Variants in FILIP1 observed in about 807,000 individuals in gnomAD.
FILIP1 encodes the protein filamin A interacting protein 1, also known as filamin-A-interacting protein 1.
Under a neutral mutation model 102.1 loss-of-function variants are expected in FILIP1, and 61 were observed. The ratio of observed to expected loss-of-function variants is 0.60; its 90% CI spans 0.49 to 0.74. The LOEUF (loss-of-function observed/expected upper bound fraction) is 0.74. Ranked by LOEUF, FILIP1 falls within the 30% of genes least tolerant of loss-of-function variation. The pLI is 0.00. For synonymous variants in FILIP1, 491 were observed against 526.9 expected (o/e 0.93, Z 0.93); for missense variants, 1,314 against 1,441.2 (o/e 0.91, Z 1.43).
chr6:75,297,529 C>T (rs1468124901), intron 6 of FILIP1, among the ~76,000 whole-genome samples: 1 of 152,094 alleles, frequency 6.6e-6, no homozygotes, highest in Non-Finnish European at 1.5e-5. Flanking sequence ...TTAAGACATA[C>T]ATACTATATT....
rs746305022 is a variant in FILIP1 at position 75,414,894 on chromosome 6, C to G, written c.79G>C (p.Ala27Pro). ...SCPKPSIIGN[A>P]GEKSLSEDAK... is the part of the protein sequence containing the mutation. ...TCTTCTGAGAGACTTTTTTCACCAG[C>G]ATTGCCGATGATGGAGGGCTTGGGA... Residue 27 changes from alanine (A) to proline (P), a missense_variant, in exon 2 of 6, where the codon GCT becomes CCT. Ala to Pro is a conservative substitution (Grantham distance 27, BLOSUM62 -1). Around this residue, in one of 3 missense-constraint regions of FILIP1, gnomAD observed 494 missense variants for 511.2 expected, o/e 0.97. Transcript: ENST00000237172. The G allele has an allele frequency of 2.5e-6, 4 of 1,613,860 alleles. No individual in the cohort carries two copies. In the African/African-American group the frequency reaches 4.0e-5, roughly 16 times the overall value.
At chr6:75,372,699 AAGAAAGAAAGAAAGGAAAGAAAG>A (rs1233873476) in intron 2 of FILIP1, among the ~76,000 whole-genome samples, 1,197 of 56,976 alleles carry the variant, frequency 0.021, 10 homozygotes, top group African/African-American at 0.042. Flanking sequence ...AAGAAAGAGA[AAGAAAGAAAGAAAGGAAAGAAAG>A]AGAAAGAGAA....
intron 1 of FILIP1, among the ~76,000 whole-genome samples, chr6:75,431,680 C>A (rs1203736128): frequency 6.6e-6 from 1 of 152,118 alleles, no homozygotes; most frequent in Non-Finnish European, 1.5e-5. Flanking sequence ...CAAAGGACTT[C>A]CCCCACACCA....
intron 1 of FILIP1, among the ~76,000 whole-genome samples, chr6:75,488,975 C>A (rs1032909131): frequency 2.6e-5 from 4 of 151,962 alleles, no homozygotes; most frequent in Non-Finnish European, 5.9e-5. Context: ...TTAAGATGAC[C>A]TTTTTTGGTC....
rs72877518 is a variant in FILIP1 at position 75,474,552 on chromosome 6, C to G, written c.-7+18862G>C. Among the ~76,000 whole-genome samples the G allele has an allele frequency of 5.4e-3, 815 of 152,284 alleles. 6 individuals carry two copies. The highest frequency in any genetic ancestry group is 9.0e-3 in the Non-Finnish European group (612 of 68,020). On this transcript the variant is annotated intron_variant, in intron 1 of 5. Coordinates refer to ENST00000237172, the MANE Select transcript of FILIP1 (RefSeq NM_015687.5). ...TATGCAAACAGAGGGACCAAAAGAA[C>G]TGAGATGCTAGTTCTTTTTTTCTTC...
intron 1 of FILIP1, among the ~76,000 whole-genome samples, chr6:75,485,006 C>A (rs1779744085): frequency 6.6e-6 from 1 of 151,894 alleles, no homozygotes; most frequent in South Asian, 2.1e-4. Context: ...TAGAGGCCAA[C>A]CAGTCAAACT....
intron 1 of FILIP1, among the ~76,000 whole-genome samples, chr6:75,436,219 A>T (rs983925110): frequency 6.6e-6 from 1 of 152,110 alleles, no homozygotes; most frequent in African/African-American, 2.4e-5. Context: ...CTAAAAATAC[A>T]AAAGTTAGCC....
intron 2 of FILIP1, chr6:75,399,379 TC>T (rs1381504605): frequency 1.3e-5 from 2 of 152,242 alleles, no homozygotes; most frequent in Non-Finnish European, 2.9e-5. Flanking sequence ...ATCTGTGGAA[TC>T]GGATTCTCTT....
chr6:75,417,790 C>T (rs1339721155), intron 1 of FILIP1, among the ~76,000 whole-genome samples: 1 of 152,184 alleles, frequency 6.6e-6, no homozygotes, highest in East Asian at 1.9e-4. Flanking sequence ...AATTTGAACT[C>T]AGGTCGGACA....
chr6:75,473,536 C>T (rs996872943), intron 1 of FILIP1, among the ~76,000 whole-genome samples: 1 of 151,948 alleles, frequency 6.6e-6, no homozygotes, highest in African/African-American at 2.4e-5. Context: ...AAAAAAAAAG[C>T]CTTTGTCTGT....
Position 75,312,798 on chromosome 6 carries a change from C to G in FILIP1, c.3034G>C (p.Val1012Leu). ...TCAGCTGGTGCTGCTGATGTAGACA[C>G]CGTCATTATCTGAATAGGGGATGTG... is the stretch of plus-strand genomic sequence containing the variant. ...RPTSPIQIMT[V>L]STSAAPAEIA... The change falls in exon 5 of 6, where the codon GTG (valine) becomes CTG (leucine). Residue 1012 changes from valine to leucine, a missense_variant. Physicochemically the swap from Val to Leu is conservative, Grantham distance 32. Coordinates refer to ENST00000237172, the MANE Select transcript of FILIP1 (RefSeq NM_015687.5). 1.2e-6 allele frequency: 2 copies of G among 1,614,212 alleles called. No individual in the cohort carries two copies. Among genetic ancestry groups the G allele is most frequent in the Non-Finnish European group, 1.7e-6 (2 of 1,180,032 alleles).
intron 1 of FILIP1, among the ~76,000 whole-genome samples, chr6:75,493,110 A>G (rs1330048965): frequency 2.0e-5 from 3 of 152,214 alleles, no homozygotes; most frequent in Non-Finnish European, 4.4e-5. Context: ...GAGATGTGAA[A>G]TTGTCCTTTG....
At chr6:75,487,542 TTG>T (rs138998752) in intron 1 of FILIP1, among the ~76,000 whole-genome samples, 15 of 151,764 alleles carry the variant, frequency 9.9e-5, no homozygotes, top group African/African-American at 1.4e-4. Flanking sequence ...CATCTATGAC[TTG>T]TGTGTGTGTG....
At chr6:75,447,676 G>A (rs1439915172) in intron 1 of FILIP1, among the ~76,000 whole-genome samples, 1 of 152,156 alleles carries the variant, frequency 6.6e-6, no homozygotes, top group African/African-American at 2.4e-5. Flanking sequence ...CATTCTAGGT[G>A]TATGGGATTT....
At chr6:75,315,311 G>C (rs1773401947) in intron 4 of FILIP1, 109 bp from the exon 5 acceptor site, 2 of 659,638 alleles carry the variant, frequency 3.0e-6, no homozygotes, top group Non-Finnish European at 4.7e-6. Flanking sequence ...CTTATCAATT[G>C]CTATAATTTC....
intron 4 of FILIP1, among the ~76,000 whole-genome samples, chr6:75,332,073 G>A (rs1774102998): frequency 6.6e-6 from 1 of 152,104 alleles, no homozygotes; most frequent in Non-Finnish European, 1.5e-5. Context: ...TCAGCCTCCA[G>A]AACTGTGAGA....
At chr6:75,359,982 A>G (rs775077518) in intron 3 of FILIP1, among the ~76,000 whole-genome samples, 5 of 152,224 alleles carry the variant, frequency 3.3e-5, no homozygotes, top group Non-Finnish European at 5.9e-5. Flanking sequence ...GCAAATCCCT[A>G]GACTTTACGA....
chr6:75,403,524 A>AG (rs1554208656), intron 2 of FILIP1, among the ~76,000 whole-genome samples: 2 of 134,728 alleles, frequency 1.5e-5, no homozygotes, highest in Non-Finnish European at 3.1e-5. Flanking sequence ...CAAAAAAAAA[A>AG]AAAAAAGAAA....
chr6:75,476,876 T>G (rs1306730047), intron 1 of FILIP1, among the ~76,000 whole-genome samples: 1 of 152,206 alleles, frequency 6.6e-6, no homozygotes, highest in Non-Finnish European at 1.5e-5. Flanking sequence ...TAGTGTCTGG[T>G]TTGATCTCAC....
Sources: gnomAD v4.1 joint callset for allele counts (sites outside exome capture counted in the v4.1 genomes callset) on GRCh38, gnomAD v4.1.1 for gene constraint, gnomAD v4.1.1 regional missense constraint, MANE v1.5 for transcripts, NCBI Gene and HGNC (gene_info 2026-07-23, HGNC 2026-07-21) for gene names.